Variants in ANKFY1 observed in about 807,000 individuals in gnomAD.
ANKFY1 encodes ankyrin repeat and FYVE domain containing 1.
Under a neutral mutation model 128.3 loss-of-function variants are expected in ANKFY1, and 47 were observed. The ratio of observed to expected loss-of-function variants is 0.37; its 90% CI spans 0.29 to 0.47. The LOEUF is 0.47. Ranked by LOEUF, ANKFY1 falls within the 20% of genes least tolerant of loss-of-function variation. The probability of loss-of-function intolerance (pLI) is 1.00; values close to 1 mark genes in which losing one functional copy is unlikely to be tolerated. For synonymous variants in ANKFY1, 553 were observed against 601.6 expected, an observed-to-expected ratio of 0.92 and a Z score of 1.18; for missense variants, 1,222 against 1,510.6, an observed-to-expected ratio of 0.81 and a Z score of 3.17.
chr17:4,197,689 G>A, intron 7 of ANKFY1, 112 bp from the exon 8 acceptor site: 1 of 969,280 alleles, frequency 1.0e-6, no homozygotes. Flanking sequence ...AACTAGATGT[G>A]TCTGAAGGAA....
At position 4,183,825 on chromosome 17, in the gene ANKFY1, C is replaced by G. The variant is rs2059561114; in HGVS notation, c.1785G>C (p.Leu595=). Reference sequence around the variant, plus strand: ...GCACAGCCTTACCAGTCCATAATGCCAGGCCCAGCACAGTCTGGTCTCGGG... The same window carrying G: ...GCACAGCCTTACCAGTCCATAATGCGAGGCCCAGCACAGTCTGGTCTCGGG... The part of the protein sequence containing the change: ...KDSRDQTVLG[L]ALWTGMHTIA... Residue 595 remains leucine (L), a synonymous_variant, in exon 13 of 25, where the codon CTG becomes CTC. Coordinates refer to ENST00000341657, the MANE Select transcript of ANKFY1 (RefSeq NM_001330063.2). 1 of 1,612,728 alleles carries G rather than the reference C, an allele frequency of 6.2e-7. No homozygotes were observed. Among genetic ancestry groups the G allele is most frequent in the Admixed American group, 1.7e-5 (1 of 59,998 alleles).
At chr17:4,226,511 C>T (rs2060427589) in intron 3 of ANKFY1, among the ~76,000 whole-genome samples, 1 of 151,862 alleles carries the variant, frequency 6.6e-6, no homozygotes, top group African/African-American at 2.4e-5. Context: ...GGTTCCACAA[C>T]TTTGAGAAAC....
intron 6 of ANKFY1, 60 bp downstream of exon 6, chr17:4,207,873 G>T: frequency 6.7e-7 from 1 of 1,488,232 alleles, no homozygotes. Flanking sequence ...AAGTACCACG[G>T]AGAAAGACAA....
chr17:4,192,302 G>A (rs2059731449), intron 10 of ANKFY1, among the ~76,000 whole-genome samples: 1 of 143,366 alleles, frequency 7.0e-6, no homozygotes, highest in African/African-American at 2.6e-5. Flanking sequence ...CTAGTTGATG[G>A]TTACTCTAAT....
intron 3 of ANKFY1, chr17:4,223,919 C>T: frequency 1.6e-6 from 1 of 612,940 alleles, no homozygotes; most frequent in Non-Finnish European, 2.9e-6. Context: ...GCACATTTGT[C>T]TTCCAGAACA....
chr17:4,216,901 G>T, intron 4 of ANKFY1, 82 bp downstream of exon 4: 1 of 1,581,962 alleles, frequency 6.3e-7, no homozygotes, highest in Non-Finnish European at 8.6e-7. Context: ...ATTAGCAGAA[G>T]AAGCTGTTTT....
chr17:4,193,706 C>T (rs1200073912), intron 10 of ANKFY1, among the ~76,000 whole-genome samples: 2 of 151,242 alleles, frequency 1.3e-5, no homozygotes, highest in East Asian at 3.9e-4. Flanking sequence ...GATTAACAGG[C>T]GTGAGCCACT....
At position 4,181,403 on chromosome 17, in the gene ANKFY1, C is replaced by T; in HGVS notation, c.2122-31G>A. ...GAAAAACATAGGTTATTCACAAACA[C>T]TGCTGAGCAAAGGCAAACAGTTTTA... On this transcript the variant is annotated intron_variant, in intron 15 of 24. Coordinates refer to ENST00000341657, the MANE Select transcript of ANKFY1 (RefSeq NM_001330063.2). The surrounding 1 kb of genome is among the most constrained non-coding windows in gnomAD (Gnocchi z 4.9). 1 of 1,540,810 alleles carries T rather than the reference C, an allele frequency of 6.5e-7. No homozygotes were observed. The highest frequency in any genetic ancestry group is 9.0e-7 in the Non-Finnish European group (1 of 1,113,540).
chr17:4,196,712 A>G (rs1320865902), intron 8 of ANKFY1, among the ~76,000 whole-genome samples: 2 of 152,248 alleles, frequency 1.3e-5, no homozygotes, highest in Admixed American at 6.5e-5. Flanking sequence ...GAATTTTCTA[A>G]CAATTAGACC....
intron 12 of ANKFY1, among the ~76,000 whole-genome samples, chr17:4,184,579 A>G (rs1333331074): frequency 1.3e-5 from 2 of 152,232 alleles, no homozygotes; most frequent in Non-Finnish European, 2.9e-5. Context: ...TAAGACAGAC[A>G]TTACTACCAG....
At chr17:4,186,901 G>A (rs34188453) in intron 11 of ANKFY1, 393,831 of 1,082,458 alleles carry the variant, frequency 0.36, 73,514 homozygotes, top group Admixed American at 0.39. Flanking sequence ...TACCTTAAAT[G>A]TGTAGAAATT....
intron 3 of ANKFY1, chr17:4,223,270 A>AG (rs2060358908): frequency 1.1e-6 from 1 of 884,750 alleles, no homozygotes; most frequent in Non-Finnish European, 1.9e-6. Context: ...ACATGAACTG[A>AG]GGGAATCTTC....
chr17:4,193,694 G>A (rs374679412), intron 10 of ANKFY1, among the ~76,000 whole-genome samples: 4 of 151,272 alleles, frequency 2.6e-5, no homozygotes, highest in East Asian at 1.9e-4. Flanking sequence ...CCAAAGTGCT[G>A]GGATTAACAG....
intron 19 of ANKFY1, among the ~76,000 whole-genome samples, chr17:4,176,549 A>C (rs1358361652): frequency 6.6e-6 from 1 of 151,942 alleles, no homozygotes; most frequent in African/African-American, 2.4e-5. Context: ...AGCTCTTTCA[A>C]CTCTACTAAA....
At chr17:4,220,464 C>T (rs2060291774) in intron 3 of ANKFY1, among the ~76,000 whole-genome samples, 1 of 152,210 alleles carries the variant, frequency 6.6e-6, no homozygotes, top group Admixed American at 6.5e-5. Flanking sequence ...CCTCAAACAC[C>T]TTCCCTACAG....
chr17:4,196,027 A>AC (rs1410877415), intron 8 of ANKFY1, among the ~76,000 whole-genome samples: 47 of 9,888 alleles, frequency 4.8e-3, no homozygotes, highest in African/African-American at 0.017. Flanking sequence ...CTACCCACCC[A>AC]CCCCCCCCAC....
At position 4,224,613 on chromosome 17, in the gene ANKFY1, T is replaced by A. The variant is rs568970998; in HGVS notation, c.323-7495A>T. On this transcript the variant is annotated intron_variant, in intron 3 of 24. Transcript: ENST00000341657. ...TAAAGAAAAGCTAGAGGAAAAAAAA[T>A]TTTTTTTAATACTTATTAGAAGCAA... Among the ~76,000 whole-genome samples the A allele has an allele frequency of 1.8e-3, 271 of 151,884 alleles. 1 individual carries two copies. The highest frequency in any genetic ancestry group is 4.7e-3 in the African/African-American group (196 of 41,442).
intron 3 of ANKFY1, 54 bp from the exon 4 acceptor site, chr17:4,217,172 T>C: frequency 6.3e-7 from 1 of 1,584,518 alleles, no homozygotes; most frequent in Non-Finnish European, 8.6e-7. Context: ...ATGCTTAGAC[T>C]TTCTCAAGGG....
In ANKFY1 at chr17:4,178,413, C is replaced by T. The variant is rs1567912498; in HGVS notation, c.2598+444G>A. The T allele has an allele frequency of 4.9e-6, 1 of 203,006 alleles. No individual in the cohort carries two copies. The highest frequency in any genetic ancestry group is 2.3e-5 in the African/African-American group (1 of 44,276). The allele number at this position is 203,006 out of a possible 1,614,324, so 12.6% of individuals were successfully genotyped here. A position where few individuals can be genotyped will look rare whatever the true frequency, so the allele number is the denominator to read the frequency against. ...TTGTTGCAGATCAACAGTTCACCAT[C>T]CCGATGTAGCAGCTGGTAAAGAACC... On this transcript the variant is annotated intron_variant, in intron 18 of 24. Transcript: ENST00000341657. The surrounding 1 kb of genome is among the most constrained non-coding windows in gnomAD (Gnocchi z 4.1).
Sources: gnomAD v4.1 joint callset for allele counts (sites outside exome capture counted in the v4.1 genomes callset) on GRCh38, gnomAD v4.1.1 for gene constraint, Gnocchi (gnomAD v3.1) non-coding constraint, MANE v1.5 for transcripts, NCBI Gene and HGNC (gene_info 2026-07-23, HGNC 2026-07-21) for gene names.